Variants in POU6F2 observed in about 807,000 individuals in gnomAD.
POU6F2 encodes POU class 6 homeobox 2.
In POU6F2, 31 loss-of-function variants were observed where a neutral mutation model predicts 71.3. The ratio of observed to expected loss-of-function variants is 0.43; its 90% CI spans 0.33 to 0.59. The LOEUF is 0.59. Among genes scored for constraint, POU6F2 ranks in the 20% least tolerant of loss-of-function variants. The pLI is 0.04. For synonymous variants in POU6F2, 347 were observed against 355.7 expected (o/e 0.98, Z 0.27); for missense variants, 783 against 856.8 (o/e 0.91, Z 1.07).
Position 39,192,103 on chromosome 7 carries a change from T to C in POU6F2, c.278-12132T>C, listed in dbSNP as rs550929733. The stretch of plus-strand genomic sequence containing the variant: ...GACATCTTTCTCTTCCTGATCAATT[T>C]TGTGGTGTTGTCTGTTATAGAAGCT... On this transcript the variant is annotated intron_variant, in intron 2 of 9. Transcript: ENST00000518318. 6.6e-5 allele frequency among the ~76,000 whole-genome samples: 10 copies of C among 152,312 alleles called. No individual in the cohort carries two copies. In the East Asian group the frequency reaches 1.3e-3, roughly 21 times the overall value.
At chr7:39,012,918 C>G (rs1789342975) in intron 1 of POU6F2, among the ~76,000 whole-genome samples, 1 of 152,224 alleles carries the variant, frequency 6.6e-6, no homozygotes, top group South Asian at 2.1e-4. Context: ...AGAACCACTG[C>G]TCTCTTCAAA....
chr7:39,341,947 G>A (rs1785926955), intron 5 of POU6F2, among the ~76,000 whole-genome samples: 1 of 152,180 alleles, frequency 6.6e-6, no homozygotes, highest in Non-Finnish European at 1.5e-5. Flanking sequence ...GAAATCCCAG[G>A]GCTGTTTGTT....
chr7:39,012,316 C>T (rs928789521), intron 1 of POU6F2, among the ~76,000 whole-genome samples: 13 of 152,056 alleles, frequency 8.5e-5, no homozygotes, highest in Non-Finnish European at 1.5e-4. Flanking sequence ...TTGATCACAT[C>T]GGCTCCTGAG....
intron 2 of POU6F2, among the ~76,000 whole-genome samples, chr7:39,128,119 G>C (rs937574186): frequency 6.6e-6 from 1 of 152,004 alleles, no homozygotes; most frequent in Admixed American, 6.6e-5. Context: ...AGGATTACAG[G>C]TGTGAGCCAC....
intron 5 of POU6F2, among the ~76,000 whole-genome samples, chr7:39,376,427 C>T (rs1391980116): frequency 6.6e-6 from 1 of 152,106 alleles, no homozygotes; most frequent in African/African-American, 2.4e-5. Flanking sequence ...AGGAGAGGAG[C>T]ACTGAGGCTA....
intron 1 of POU6F2, among the ~76,000 whole-genome samples, chr7:39,027,322 A>G (rs1789832280): frequency 6.6e-6 from 1 of 152,138 alleles, no homozygotes; most frequent in Non-Finnish European, 1.5e-5. Context: ...GTTCTTTAAA[A>G]ACACTCACTA....
At chr7:39,245,664 A>G (rs1324047597) in intron 4 of POU6F2, among the ~76,000 whole-genome samples, 1 of 152,188 alleles carries the variant, frequency 6.6e-6, no homozygotes, top group African/African-American at 2.4e-5. Context: ...TCTAGGAGGA[A>G]CTTAGTTTTT....
At chr7:39,395,357 G>A (rs143392492) in intron 5 of POU6F2, among the ~76,000 whole-genome samples, 1 of 152,126 alleles carries the variant, frequency 6.6e-6, no homozygotes, top group African/African-American at 2.4e-5. Context: ...ATTCCCAGTG[G>A]GTGAGAAGCC....
chr7:39,339,786 C>G lies in POU6F2; in HGVS notation c.743C>G (p.Pro248Arg). ...GCGCCCTCGCAGTCCCAGCAGCAGC[C>G]GCTGCAGCCCACCCCACCCCAGCAG... The part of the protein sequence containing the change: ...PQAPSQSQQQ[P>R]LQPTPPQQPP... Residue 248 changes from proline to arginine, a missense_variant, in exon 5 of 10, where the codon CCG becomes CGG. Around this residue, in one of 2 missense-constraint regions of POU6F2, gnomAD observed 572 missense variants for 572.9 expected, o/e 1.00. Transcript: ENST00000518318. 1 of 1,573,612 alleles carries G rather than the reference C, an allele frequency of 6.4e-7. No homozygotes were observed. The highest frequency in any genetic ancestry group is 8.6e-7 in the Non-Finnish European group (1 of 1,160,132).
At chr7:39,050,807 G>A (rs1790387069) in intron 1 of POU6F2, among the ~76,000 whole-genome samples, 1 of 152,086 alleles carries the variant, frequency 6.6e-6, no homozygotes, top group African/African-American at 2.4e-5. Flanking sequence ...AGCAGCCCAG[G>A]CAAAAATGCC....
At chr7:39,133,545 C>T (rs760833232) in intron 2 of POU6F2, among the ~76,000 whole-genome samples, 9 of 152,216 alleles carry the variant, frequency 5.9e-5, no homozygotes, top group East Asian at 5.8e-4. Context: ...TTTTTCTCTA[C>T]GATGTTGCCT....
In POU6F2 at chr7:39,207,597, C is replaced by T; in HGVS notation, c.575C>T (p.Thr192Ile). 6.2e-7 allele frequency: 1 copy of T among 1,613,938 alleles called. No individual in the cohort carries two copies. Among genetic ancestry groups the T allele is most frequent in the Non-Finnish European group, 8.5e-7 (1 of 1,179,832 alleles). ...VAAAAAGGIM[T>I]LPLQNLQATS... ...GCAGCTGCAGCCGGAGGCATTATGACTCTGCCACTGCAAAATCTACAAGGT... is the reference window on the plus strand; with the variant it reads ...GCAGCTGCAGCCGGAGGCATTATGATTCTGCCACTGCAAAATCTACAAGGT... The change falls in exon 4 of 10, where the codon ACT becomes ATT. Residue 192 changes from threonine (T) to isoleucine (I), a missense_variant. Around this residue, in one of 2 missense-constraint regions of POU6F2, gnomAD observed 572 missense variants for 572.9 expected, o/e 1.00. Coordinates refer to ENST00000518318, the MANE Select transcript of POU6F2 (RefSeq NM_001370959.1).
At chr7:39,247,898 A>G (rs373289610) in intron 4 of POU6F2, among the ~76,000 whole-genome samples, 2 of 152,148 alleles carry the variant, frequency 1.3e-5, no homozygotes, top group Admixed American at 6.5e-5. Context: ...CATCTCTACA[A>G]TCTTTATTTT....
At chr7:39,216,670 T>G (rs935880789) in intron 4 of POU6F2, among the ~76,000 whole-genome samples, 3 of 152,178 alleles carry the variant, frequency 2.0e-5, no homozygotes, top group Non-Finnish European at 4.4e-5. Context: ...ATGTTTCAGT[T>G]TTTCCCCAAA....
intron 1 of POU6F2, among the ~76,000 whole-genome samples, chr7:39,076,261 T>C (rs1791001784): frequency 6.6e-6 from 1 of 151,174 alleles, no homozygotes; most frequent in African/African-American, 2.4e-5. Flanking sequence ...CTCCCTTCCT[T>C]CCTTCCTTCC....
At chr7:39,406,313 G>A in intron 5 of POU6F2, 1 of 408,964 alleles carries the variant, frequency 2.4e-6, no homozygotes, top group East Asian at 4.5e-5. Flanking sequence ...CACCCCAGAA[G>A]GTCCTAACAG....
rs144220327 is a variant in POU6F2 at position 39,119,277 on chromosome 7, A to G, written c.277+33246A>G. The stretch of plus-strand genomic sequence containing the variant: ...TCAACAACGTTGAGGGCAATTGGCA[A>G]AGAGTTTGAAAGAAGAAATAATGAT... On this transcript the variant is annotated intron_variant, in intron 2 of 9. Coordinates refer to ENST00000518318, the MANE Select transcript of POU6F2 (RefSeq NM_001370959.1). Among the ~76,000 whole-genome samples, 1,306 of 152,340 alleles carry G rather than the reference A, an allele frequency of 8.6e-3. 10 individuals carry two copies. Among genetic ancestry groups the G allele is most frequent in the Middle Eastern group, 0.027 (8 of 294 alleles).
chr7:39,423,056 G>A (rs1288702763), intron 6 of POU6F2, among the ~76,000 whole-genome samples: 3 of 152,228 alleles, frequency 2.0e-5, no homozygotes, highest in East Asian at 1.9e-4. Context: ...CACAGAATAA[G>A]GTCATATTTC....
At chr7:39,432,863 C>T (rs924559851) in intron 6 of POU6F2, among the ~76,000 whole-genome samples, 1 of 152,034 alleles carries the variant, frequency 6.6e-6, no homozygotes, top group Non-Finnish European at 1.5e-5. Flanking sequence ...ATGTTTCTCC[C>T]TTCCATCACA....
Sources: allele counts gnomAD v4.1 joint callset (sites outside exome capture counted in the v4.1 genomes callset), GRCh38; gene constraint gnomAD v4.1.1; regional missense constraint gnomAD v4.1.1; transcripts MANE v1.5; gene names NCBI Gene and HGNC (gene_info 2026-07-23, HGNC 2026-07-21).